The following NUP54 variants were observed in gnomAD, a reference collection of about 807,000 sequenced individuals.
NUP54 encodes nucleoporin p54.
NUP54 carries 27 observed loss-of-function variants against 66.4 expected under a neutral mutation model. The ratio of observed to expected loss-of-function variants is 0.41; its 90% confidence interval spans 0.30 to 0.56. The LOEUF (loss-of-function observed/expected upper bound fraction) is 0.56. Ranked by LOEUF, NUP54 falls within the 20% of genes least tolerant of loss-of-function variation. NUP54 has a pLI of 0.34. For missense variants in NUP54, 486 were observed against 596.3 expected (o/e 0.82, Z 1.93); for synonymous variants, 206 against 210.7 (o/e 0.98, Z 0.19).
intron 8 of NUP54, among the ~76,000 whole-genome samples, chr4:76,127,426 C>T (rs1029505549): frequency 3.0e-5 from 3 of 101,182 alleles, no homozygotes; most frequent in African/African-American, 1.6e-4. Flanking sequence ...AACGAGACCC[C>T]CATCTCAAAA....
intron 7 of NUP54, chr4:76,130,982 A>G: frequency 1.7e-6 from 1 of 600,692 alleles, no homozygotes; most frequent in Non-Finnish European, 3.0e-6. Flanking sequence ...TGAAAACGCA[A>G]ATAGAATTTT....
Position 76,118,123 on chromosome 4 carries a change from A to C in NUP54, c.1236T>G (p.Val412=). The C allele has an allele frequency of 6.2e-7, 1 of 1,613,924 alleles. No homozygotes were observed. The highest frequency in any genetic ancestry group is 8.5e-7 in the Non-Finnish European group (1 of 1,179,806). The change falls in exon 10 of 12, where the codon GTT becomes GTG. Residue 412 remains valine, a synonymous_variant. Transcript: ENST00000264883. ...AIQADEEQLR[V]QLDTIQGELN... ...GTTCACCCTGAATCGTATCCAGCTG[A>C]ACTCGCAACTGCTCTTCATCAGCCT...
At chr4:76,123,508 C>CTT (rs529829145) in intron 9 of NUP54, among the ~76,000 whole-genome samples, 1 of 149,440 alleles carries the variant, frequency 6.7e-6, no homozygotes, top group African/African-American at 2.5e-5. Flanking sequence ...GCAGCATCTT[C>CTT]TTTTTTTTTT....
chr4:76,137,877 T>C (rs62300617), intron 3 of NUP54, among the ~76,000 whole-genome samples: 20,042 of 152,266 alleles, frequency 0.13, 1,543 homozygotes, highest in East Asian at 0.35. Flanking sequence ...TTTCCACTTA[T>C]AGCAGCAATA....
chr4:76,117,122 A>G (rs571516342), intron 11 of NUP54, among the ~76,000 whole-genome samples: 2 of 151,884 alleles, frequency 1.3e-5, no homozygotes, highest in South Asian at 4.2e-4. Flanking sequence ...CCACCTTTCT[A>G]CTCTCTATTA....
intron 4 of NUP54, 48 bp from the exon 5 acceptor site, chr4:76,134,410 A>T: frequency 1.4e-6 from 2 of 1,454,398 alleles, no homozygotes; most frequent in Non-Finnish European, 1.9e-6. Context: ...ACAGATCTTA[A>T]ATCAGGTGTT....
chr4:76,147,935 C>A (rs369817672), intron 1 of NUP54: 2 of 310,684 alleles, frequency 6.4e-6, no homozygotes, highest in Non-Finnish European at 1.2e-5. Context: ...GCAGCGGGAA[C>A]CACGCAAGCG....
At chr4:76,145,950 C>T (rs552961603) in intron 1 of NUP54, 1 of 290,274 alleles carries the variant, frequency 3.4e-6, no homozygotes, top group African/African-American at 2.3e-5. Flanking sequence ...TGCAGTACTG[C>T]AAACTATAAA....
chr4:76,118,114 A>T lies in NUP54; in HGVS notation c.1245T>A (p.Asp415Glu). 3.7e-6 allele frequency: 6 copies of T among 1,613,840 alleles called. No homozygotes were observed. The highest frequency in any genetic ancestry group is 1.1e-5 in the South Asian group (1 of 91,082). ...ADEEQLRVQLDTIQGELNAPT... is the reference protein window; with the variant it reads ...ADEEQLRVQLETIQGELNAPT... ...GTGCATTTAGTTCACCCTGAATCGT[A>T]TCCAGCTGAACTCGCAACTGCTCTT... The change falls in exon 10 of 12, where the codon GAT becomes GAA. Residue 415 changes from aspartate to glutamate, a missense_variant. Physicochemically the swap from Asp to Glu is conservative, Grantham distance 45. Transcript: ENST00000264883.
At chr4:76,140,446 C>T (rs1315319019) in intron 3 of NUP54, among the ~76,000 whole-genome samples, 1 of 151,906 alleles carries the variant, frequency 6.6e-6, no homozygotes, top group Non-Finnish European at 1.5e-5. Flanking sequence ...CTACCACGCC[C>T]ATCTAATTTT....
intron 4 of NUP54, among the ~76,000 whole-genome samples, chr4:76,134,644 T>C (rs1730955892): frequency 6.6e-6 from 1 of 152,180 alleles, no homozygotes; most frequent in Non-Finnish European, 1.5e-5. Flanking sequence ...TTGATATTCA[T>C]TATTGTTGGT....
intron 8 of NUP54, among the ~76,000 whole-genome samples, chr4:76,127,849 T>C (rs1421147018): frequency 1.3e-5 from 2 of 152,114 alleles, no homozygotes; most frequent in Non-Finnish European, 2.9e-5. Context: ...ATATGAATGA[T>C]TTCAGTTCTG....
In NUP54 at chr4:76,125,294, C is replaced by CA. The variant is rs759122710; in HGVS notation, c.1057-539dup. 2.1e-3 allele frequency among the ~76,000 whole-genome samples: 236 copies of CA among 114,612 alleles called. 2 individuals are homozygous for CA. Among genetic ancestry groups the CA allele is most frequent in the Non-Finnish European group, 1.8e-3 (89 of 50,598 alleles). The allele number at this position is 114,612 out of a possible 152,430, so 75.2% of individuals were successfully genotyped here. A position where few individuals can be genotyped will look rare whatever the true frequency, so the allele number is the denominator to read the frequency against. Reference sequence around the variant, plus strand: ...AACTCCATCTCACAGAAACAAAAAACAAAAAACAGAGTGAGACTCCATCAC... The same window carrying CA: ...AACTCCATCTCACAGAAACAAAAAACAAAAAAACAGAGTGAGACTCCATCAC... On this transcript the variant is annotated intron_variant, in intron 8 of 11. Coordinates refer to ENST00000264883, the MANE Select transcript of NUP54 (RefSeq NM_017426.4).
At chr4:76,131,129 A>C in intron 7 of NUP54, 101 bp downstream of exon 7, 2 of 778,028 alleles carry the variant, frequency 2.6e-6, no homozygotes, top group Non-Finnish European at 4.4e-6. Context: ...AATGAAAATA[A>C]ACTTGTCTCA....
Position 76,141,328 on chromosome 4 carries a change from T to C in NUP54, c.295+2821A>G, listed in dbSNP as rs781766608. 3.3e-4 allele frequency among the ~76,000 whole-genome samples: 50 copies of C among 152,244 alleles called. 1 individual carries two copies. The highest frequency in any genetic ancestry group is 1.0e-3 in the South Asian group (5 of 4,808). ...ACTCTCCTCTTACTCTGGAATCAGG[T>C]CTCCTAAATTACATCATCCATATCT... On this transcript the variant is annotated intron_variant, in intron 3 of 11. Transcript: ENST00000264883.
At chr4:76,120,231 T>A (rs1179640135) in intron 9 of NUP54, among the ~76,000 whole-genome samples, 1 of 152,136 alleles carries the variant, frequency 6.6e-6, no homozygotes, top group Admixed American at 6.5e-5. Flanking sequence ...CTGGTATAGA[T>A]CTTTAACAAT....
chr4:76,124,624 TGG>T (rs10567711), intron 9 of NUP54, 23 bp downstream of exon 9: 157,088 of 1,040,150 alleles, frequency 0.15, 13,866 homozygotes, highest in East Asian at 0.34. Context: ...TTATAAACAC[TGG>T]GGGGGAAAAT....
intron 7 of NUP54, chr4:76,130,963 A>G (rs1730774513): frequency 1.7e-6 from 1 of 601,718 alleles, no homozygotes; most frequent in East Asian, 2.8e-5. Context: ...AAAACATTAC[A>G]TTATTAAATG....
At chr4:76,127,218 G>A (rs1331887008) in intron 8 of NUP54, among the ~76,000 whole-genome samples, 1 of 152,080 alleles carries the variant, frequency 6.6e-6, no homozygotes, top group Admixed American at 6.5e-5. Flanking sequence ...GGATCACGAG[G>A]TCAGGAGATC....
Sources: allele counts gnomAD v4.1 joint callset (sites outside exome capture counted in the v4.1 genomes callset), GRCh38; gene constraint gnomAD v4.1.1; transcripts MANE v1.5; gene names NCBI Gene and HGNC (gene_info 2026-07-23, HGNC 2026-07-21).